SYCP2L: variants seen among roughly 807,000 people sequenced by gnomAD.
SYCP2L encodes synaptonemal complex protein 2 like.
A neutral mutation model predicts 125.8 loss-of-function variants in SYCP2L; 98 were observed. The observed-to-expected ratio is 0.78, with a 90% CI of 0.66 to 0.92. The LOEUF is 0.92. Among genes scored for constraint, SYCP2L ranks in the 40% least tolerant of loss-of-function variants. The probability of loss-of-function intolerance (pLI) is 0.00; values close to 1 mark genes in which losing one functional copy is unlikely to be tolerated. For synonymous variants in SYCP2L, 317 were observed against 325.4 expected, an observed-to-expected ratio of 0.97 and a Z score of 0.28; for missense variants, 842 against 936.4, an observed-to-expected ratio of 0.90 and a Z score of 1.32.
chr6:10,930,367 T>C lies in SYCP2L; in HGVS notation c.1489-3T>C. 6.2e-7 allele frequency: 1 copy of C among 1,611,420 alleles called. No homozygotes were observed. The highest frequency in any genetic ancestry group is 1.1e-5 in the South Asian group (1 of 90,578). ...AATTCTCATTTATGATCTGTGCTTG[T>C]AGAAGTCTCATTACAGAAAACATCT... On this transcript the variant is annotated splice_polypyrimidine_tract_variant and splice_region_variant and intron_variant, in intron 18 of 29. Coordinates refer to ENST00000283141, the MANE Select transcript of SYCP2L (RefSeq NM_001040274.3).
rs773644996 is a variant in SYCP2L at position 10,926,303 on chromosome 6, C to A, written c.1219-36C>A. Reference sequence around the variant, plus strand: ...TAAATTTTTTTTTTTTTAAAGATGACTACATTTCAAAGTTGACCTTTGTCT... The same window carrying A: ...TAAATTTTTTTTTTTTTAAAGATGAATACATTTCAAAGTTGACCTTTGTCT... On this transcript the variant is annotated intron_variant, in intron 15 of 29. Coordinates refer to ENST00000283141, the MANE Select transcript of SYCP2L (RefSeq NM_001040274.3). 4 of 1,445,772 alleles carry A rather than the reference C, an allele frequency of 2.8e-6. No homozygotes were observed. In the East Asian group the frequency reaches 9.1e-5, roughly 33 times the overall value. 89.6% of individuals were successfully genotyped at this position (1,445,772 alleles called of 1,614,324 possible). A position where few individuals can be genotyped will look rare whatever the true frequency, so the allele number is the denominator to read the frequency against.
intron 8 of SYCP2L, among the ~76,000 whole-genome samples, chr6:10,905,644 G>A (rs555163632): frequency 3.1e-4 from 47 of 152,238 alleles, no homozygotes; most frequent in African/African-American, 1.0e-3. Context: ...AATCACTGTC[G>A]TATCATTTCC....
chr6:10,942,762 T>C lies in SYCP2L; in HGVS notation c.1954+16T>C, dbSNP rs1781246881. The C allele has an allele frequency of 9.2e-5, 7 of 76,374 alleles. No homozygotes were observed. Among genetic ancestry groups the C allele is most frequent in the Middle Eastern group, 3.7e-3 (1 of 272 alleles). 4.7% of individuals were successfully genotyped at this position (76,374 alleles called of 1,614,324 possible). A position where few individuals can be genotyped will look rare whatever the true frequency, so the allele number is the denominator to read the frequency against. On this transcript the variant is annotated intron_variant, in intron 23 of 29. Transcript: ENST00000283141. ...GAAGACAAAGGTAAGAGAATAGTACTTTTTTTTTTTTTTTTGCAGAATAAA... is the reference window on the plus strand; with the variant it reads ...GAAGACAAAGGTAAGAGAATAGTACCTTTTTTTTTTTTTTTGCAGAATAAA...
chr6:10,891,987 G>A (rs9368446), intron 2 of SYCP2L, among the ~76,000 whole-genome samples: 40,114 of 152,124 alleles, frequency 0.26, 6,457 homozygotes, highest in Non-Finnish European at 0.37. Context: ...AAAAGAACAG[G>A]GTAATGAGAT....
At chr6:10,927,888 G>A (rs2788871) in intron 17 of SYCP2L, among the ~76,000 whole-genome samples, 149,103 of 152,208 alleles carry the variant, frequency 0.98, 73,073 homozygotes, top group East Asian at 1. Flanking sequence ...CCTCAGGGGC[G>A]CATTCTCTTT....
intron 29 of SYCP2L, among the ~76,000 whole-genome samples, chr6:10,973,567 C>G (rs181019930): frequency 5.3e-4 from 80 of 152,266 alleles, no homozygotes; most frequent in African/African-American, 1.8e-3. Context: ...GATTGCCAAT[C>G]TGGCTATTAA....
intron 23 of SYCP2L, among the ~76,000 whole-genome samples, chr6:10,951,057 C>G (rs1372073400): frequency 1.3e-5 from 2 of 152,110 alleles, no homozygotes; most frequent in African/African-American, 4.8e-5. Context: ...TAGTTCCTTC[C>G]TAGCTCAGTG....
chr6:10,956,733 G>C (rs1450702664), intron 25 of SYCP2L, among the ~76,000 whole-genome samples: 24 of 152,200 alleles, frequency 1.6e-4, no homozygotes, highest in Admixed American at 1.6e-3. Flanking sequence ...AAAGTGCTGA[G>C]ATTACAGGTG....
At chr6:10,931,758 A>G (rs1781000218) in intron 20 of SYCP2L, among the ~76,000 whole-genome samples, 1 of 152,024 alleles carries the variant, frequency 6.6e-6, no homozygotes, top group Non-Finnish European at 1.5e-5. Context: ...TGAGTTTGGG[A>G]GTTCGAGACC....
intron 10 of SYCP2L, 79 bp downstream of exon 10, chr6:10,907,763 C>T: frequency 6.8e-7 from 1 of 1,472,518 alleles, no homozygotes; most frequent in Non-Finnish European, 9.2e-7. Context: ...GTGCATTGGG[C>T]TTACGGGAGG....
chr6:10,968,423 G>C (rs1011425431), intron 29 of SYCP2L, among the ~76,000 whole-genome samples: 1 of 152,160 alleles, frequency 6.6e-6, no homozygotes, highest in Non-Finnish European at 1.5e-5. Flanking sequence ...CAGCAGGGAG[G>C]TTTCTGTGAG....
At chr6:10,900,416 G>C (rs988107938) in intron 6 of SYCP2L, among the ~76,000 whole-genome samples, 1 of 151,434 alleles carries the variant, frequency 6.6e-6, no homozygotes, top group Admixed American at 6.6e-5. Flanking sequence ...GCAGTGGCAC[G>C]TTCTCAGCTC....
intron 21 of SYCP2L, among the ~76,000 whole-genome samples, chr6:10,938,492 G>A (rs1781147484): frequency 6.6e-6 from 1 of 152,124 alleles, no homozygotes; most frequent in African/African-American, 2.4e-5. Context: ...TCTAAGATCA[G>A]GAATACGACA....
At chr6:10,923,222 C>T (rs1013960230) in intron 14 of SYCP2L, among the ~76,000 whole-genome samples, 5 of 151,966 alleles carry the variant, frequency 3.3e-5, no homozygotes, top group African/African-American at 1.2e-4. Context: ...TTTCTATTCT[C>T]CTTCTTCCGA....
chr6:10,930,210 TTTCTTCCACTC>T, intron 18 of SYCP2L, 149 bp from the exon 19 acceptor site: 1 of 644,868 alleles, frequency 1.6e-6, no homozygotes. Context: ...GAATAATCCT[TTTCTTCCACTC>T]CATACTTCTT....
rs531470919 is a variant in SYCP2L, at chr6:10,890,731, A to AT, written c.10-778dup. ...TCTATTTTTGCTTTCATTGCCTGTG[A>AT]TTTTGAGGTTTTCTCCATAAAATCT... is the stretch of plus-strand genomic sequence containing the variant. On this transcript the variant is annotated intron_variant, in intron 1 of 29. Transcript: ENST00000283141. Among the ~76,000 whole-genome samples the AT allele has an allele frequency of 1.5e-4, 23 of 152,004 alleles. 1 individual carries two copies. The East Asian group carries it at 4.4e-3, about 29-fold the overall frequency.
intron 24 of SYCP2L, 103 bp downstream of exon 24, chr6:10,955,320 A>C: frequency 1.0e-5 from 7 of 671,768 alleles, no homozygotes; most frequent in Non-Finnish European, 1.8e-5. Context: ...TTTTAAGATC[A>C]TAGTAGCTAC....
At chr6:10,955,605 G>A (rs1179310042) in intron 24 of SYCP2L, among the ~76,000 whole-genome samples, 3 of 152,154 alleles carry the variant, frequency 2.0e-5, no homozygotes, top group Admixed American at 1.3e-4. Context: ...TGGACAAATG[G>A]TACCATGCAT....
At chr6:10,904,483 A>C (rs557684598) in intron 8 of SYCP2L, among the ~76,000 whole-genome samples, 11 of 152,314 alleles carry the variant, frequency 7.2e-5, no homozygotes, top group African/African-American at 2.6e-4. Flanking sequence ...TGCAGGATAT[A>C]GTTTTTACAC....
Sources: gnomAD v4.1 joint callset for allele counts (sites outside exome capture counted in the v4.1 genomes callset) on GRCh38, gnomAD v4.1.1 for gene constraint, MANE v1.5 for transcripts, NCBI Gene and HGNC (gene_info 2026-07-23, HGNC 2026-07-21) for gene names.